The following PPP5C variants were observed in gnomAD, a reference collection of about 807,000 sequenced individuals.
PPP5C encodes the protein protein phosphatase 5 catalytic subunit.
PPP5C carries 21 observed loss-of-function variants against 66.7 expected under a neutral mutation model. That is an observed-to-expected ratio of 0.31 (90% CI 0.22 to 0.45). The LOEUF (loss-of-function observed/expected upper bound fraction) is 0.45, where lower values mean the gene tolerates loss of function less well. PPP5C is among the 20% of genes least tolerant of loss of function. The pLI is 1.00. For missense variants in PPP5C, 464 were observed against 675.9 expected, an observed-to-expected ratio of 0.69 and a Z score of 3.48; for synonymous variants, 246 against 257.4, an observed-to-expected ratio of 0.96 and a Z score of 0.43.
chr19:46,383,745 G>A lies in PPP5C; in HGVS notation c.700-35G>A, dbSNP rs777439691. 15 of 1,545,318 alleles carry A rather than the reference G, an allele frequency of 9.7e-6. No individual in the cohort carries two copies. Among genetic ancestry groups the A allele is most frequent in the South Asian group, 4.5e-5 (4 of 89,496 alleles). On this transcript the variant is annotated intron_variant, in intron 5 of 12. Coordinates refer to ENST00000012443, the MANE Select transcript of PPP5C (RefSeq NM_006247.4). The surrounding 1 kb of genome is among the most constrained non-coding windows in gnomAD (Gnocchi z 5.0). ...TGCCCCCTCCCCACGTCTCTCTCTCGGCCCGTCCCTCTCCGGTGGCCTCTT... is the reference window on the plus strand; with the variant it reads ...TGCCCCCTCCCCACGTCTCTCTCTCAGCCCGTCCCTCTCCGGTGGCCTCTT...
intron 2 of PPP5C, among the ~76,000 whole-genome samples, chr19:46,374,491 T>C (rs1601433014): frequency 6.6e-6 from 1 of 152,146 alleles, no homozygotes; most frequent in Non-Finnish European, 1.5e-5. Flanking sequence ...CAAAGTCACA[T>C]GGCAAGTAAG....
chr19:46,375,994 G>A (rs1195974252), intron 3 of PPP5C, among the ~76,000 whole-genome samples: 4 of 152,128 alleles, frequency 2.6e-5, no homozygotes. Context: ...CCTTCCTCCG[G>A]GTAGTAGCAC....
At position 46,376,416 on chromosome 19, in the gene PPP5C, G is replaced by C; in HGVS notation, c.512-37G>C. The stretch of plus-strand genomic sequence containing the variant: ...CCCCCTTCTCCCTCATAGTGGCTGT[G>C]GTCACTGACTCTCGTGTCCCGTTGT... On this transcript the variant is annotated intron_variant, in intron 3 of 12. Coordinates refer to ENST00000012443, the MANE Select transcript of PPP5C (RefSeq NM_006247.4). This position sits in a 1 kb window ranked among gnomAD's most constrained non-coding sequence, Gnocchi z 5.1. The C allele has an allele frequency of 1.2e-6, 2 of 1,607,938 alleles. No individual in the cohort carries two copies. Among genetic ancestry groups the C allele is most frequent in the Non-Finnish European group, 1.7e-6 (2 of 1,176,322 alleles).
At chr19:46,364,312 G>A (rs1433194617) in intron 2 of PPP5C, among the ~76,000 whole-genome samples, 2 of 152,044 alleles carry the variant, frequency 1.3e-5, no homozygotes, top group African/African-American at 2.4e-5. Flanking sequence ...TCAGGTTTTA[G>A]CCAGGCAGAT....
intron 2 of PPP5C, among the ~76,000 whole-genome samples, chr19:46,368,348 A>T (rs1223412735): frequency 6.6e-6 from 1 of 152,208 alleles, no homozygotes. Context: ...TGGACCTGCC[A>T]TGCAGCTACT....
chr19:46,377,640 AC>A (rs1423632929), intron 4 of PPP5C, among the ~76,000 whole-genome samples: 1 of 152,174 alleles, frequency 6.6e-6, no homozygotes, highest in Non-Finnish European at 1.5e-5. Flanking sequence ...GCTCCCTTTG[AC>A]CCCTTTCTAG....
chr19:46,357,484 C>G (rs1473292897), intron 2 of PPP5C, among the ~76,000 whole-genome samples: 1 of 152,196 alleles, frequency 6.6e-6, no homozygotes, highest in Non-Finnish European at 1.5e-5. Context: ...GCTGGGTGTT[C>G]TCTTATTGAA....
In PPP5C at chr19:46,383,649, G is replaced by T. The variant is rs181665365; in HGVS notation, c.700-131G>T. ...TCTCCTGGCCTCTTGGTCTTCGTTT[G>T]TGTTCCCTGCTTGTGTCTCTTGCAT... On this transcript the variant is annotated intron_variant, in intron 5 of 12. Transcript: ENST00000012443. The surrounding 1 kb of genome is among the most constrained non-coding windows in gnomAD (Gnocchi z 5.0). The T allele has an allele frequency of 1.7e-4, 178 of 1,028,544 alleles. No homozygotes were observed. In the African/African-American group the frequency reaches 2.3e-3, roughly 13 times the overall value. The allele number at this position is 1,028,544 out of a possible 1,614,324, so 63.7% of individuals were successfully genotyped here. A position where few individuals can be genotyped will look rare whatever the true frequency, so the allele number is the denominator to read the frequency against.
chr19:46,382,606 GTGTC>G (rs1203025764), intron 4 of PPP5C: 2 of 158,498 alleles, frequency 1.3e-5, no homozygotes, highest in East Asian at 1.9e-4. Flanking sequence ...TTAACTTTAT[GTGTC>G]TGTCTACTTA....
At chr19:46,389,191 G>T (rs1222468240) in intron 11 of PPP5C, among the ~76,000 whole-genome samples, 1 of 151,680 alleles carries the variant, frequency 6.6e-6, no homozygotes, top group Non-Finnish European at 1.5e-5. Context: ...GGGCGTGGTG[G>T]CACACACCCG....
At chr19:46,387,716 G>C in intron 9 of PPP5C, 1 of 1,397,228 alleles carries the variant, frequency 7.2e-7, no homozygotes, top group East Asian at 2.9e-5. Context: ...TGTGAGTTCA[G>C]CTGTGGAACC....
Position 46,347,184 on chromosome 19 carries a change from G to A in PPP5C, c.88G>A (p.Glu30Lys). Residue 30 changes from glutamate to lysine, a missense_variant, in exon 1 of 13, where the codon GAG becomes AAG. Glu to Lys is a moderately conservative substitution (Grantham distance 56). Transcript: ENST00000012443. The part of the protein sequence containing the change: ...PADGALKRAE[E>K]LKTQANDYFK... ...TGATGGAGCTCTGAAGCGGGCAGAG[G>A]AGCTCAAGACTCAGGCCAATGACTA... 4 of 1,606,810 alleles carry A rather than the reference G, an allele frequency of 2.5e-6. No individual in the cohort carries two copies. Among genetic ancestry groups the A allele is most frequent in the Non-Finnish European group, 3.4e-6 (4 of 1,177,068 alleles).
At chr19:46,351,677 A>G (rs1252169066) in intron 1 of PPP5C, among the ~76,000 whole-genome samples, 1 of 152,220 alleles carries the variant, frequency 6.6e-6, no homozygotes, top group Non-Finnish European at 1.5e-5. Context: ...GAGTCCTCAA[A>G]GGCGCTGGCA....
intron 1 of PPP5C, among the ~76,000 whole-genome samples, chr19:46,349,296 A>G (rs1972141309): frequency 6.6e-6 from 1 of 152,108 alleles, no homozygotes; most frequent in Admixed American, 6.6e-5. Flanking sequence ...TCAAGAAAAA[A>G]AAAAAGAGAG....
Position 46,390,578 on chromosome 19 carries a change from G to C in PPP5C, c.*232G>C, listed in dbSNP as rs372171676. On this transcript the variant is annotated 3_prime_UTR_variant, in exon 13 of 13. Coordinates refer to ENST00000012443, the MANE Select transcript of PPP5C (RefSeq NM_006247.4). The stretch of plus-strand genomic sequence containing the variant: ...GGAAGGAGGTGGAGCAGCTGGGGCT[G>C]GGGGCACAGCCTGGGCATTCTGTGG... 30 of 1,394,078 alleles carry C rather than the reference G, an allele frequency of 2.2e-5. No homozygotes were observed. In the South Asian group the frequency reaches 4.0e-4, roughly 18 times the overall value. The allele number at this position is 1,394,078 out of a possible 1,614,324, so 86.4% of individuals were successfully genotyped here.
intron 2 of PPP5C, among the ~76,000 whole-genome samples, chr19:46,366,697 G>A (rs1601424777): frequency 6.6e-6 from 1 of 152,182 alleles, no homozygotes; most frequent in South Asian, 2.1e-4. Context: ...AAGGGGTTTT[G>A]CAGGAAATAT....
intron 4 of PPP5C, chr19:46,382,320 A>C (rs1972806829): frequency 6.6e-6 from 1 of 152,146 alleles, no homozygotes; most frequent in Non-Finnish European, 1.5e-5. Flanking sequence ...TCCTGTCTGC[A>C]TTTTGATTAA....
At chr19:46,361,592 A>T (rs1368190359) in intron 2 of PPP5C, among the ~76,000 whole-genome samples, 1 of 140,264 alleles carries the variant, frequency 7.1e-6, no homozygotes, top group African/African-American at 2.7e-5. Flanking sequence ...TAAAAATTAA[A>T]AAAAAAAAAA....
chr19:46,387,673 G>A (rs765014306), intron 9 of PPP5C: 16 of 1,481,484 alleles, frequency 1.1e-5, no homozygotes, highest in Middle Eastern at 1.9e-4. Context: ...GTGAAGGCAC[G>A]GTGACCGCCG....
Sources: allele counts gnomAD v4.1 joint callset (sites outside exome capture counted in the v4.1 genomes callset), GRCh38; gene constraint gnomAD v4.1.1; non-coding constraint Gnocchi (gnomAD v3.1); transcripts MANE v1.5; gene names NCBI Gene and HGNC (gene_info 2026-07-23, HGNC 2026-07-21).